ZNF536: variants seen among roughly 807,000 people sequenced by gnomAD.
ZNF536 encodes zinc finger protein 536.
In ZNF536, 13 loss-of-function variants were observed where a neutral mutation model predicts 84.5. The observed-to-expected ratio is 0.15, with a 90% CI of 0.10 to 0.24. The LOEUF (loss-of-function observed/expected upper bound fraction) is 0.24, where lower values mean the gene tolerates loss of function less well. ZNF536 is among the 10% of genes least tolerant of loss of function. The pLI is 1.00. For missense variants in ZNF536, 1,536 were observed against 1,747.5 expected (o/e 0.88, Z 2.16); for synonymous variants, 811 against 742.5 (o/e 1.09, Z -1.50).
At chr19:30,232,906 A>T (rs555524566) in intron 1 of ZNF536, among the ~76,000 whole-genome samples, 1 of 152,212 alleles carries the variant, frequency 6.6e-6, no homozygotes, top group African/African-American at 2.4e-5. Flanking sequence ...AGACATTTCT[A>T]TATCTCCCTT....
At chr19:30,243,649 G>A (rs764490453) in intron 1 of ZNF536, among the ~76,000 whole-genome samples, 1 of 152,132 alleles carries the variant, frequency 6.6e-6, no homozygotes, top group Non-Finnish European at 1.5e-5. Context: ...TCCAACAATA[G>A]GTAGGATAAA....
chr19:30,637,151 G>A (rs563514974), intron 1 of ZNF536, among the ~76,000 whole-genome samples: 9 of 152,250 alleles, frequency 5.9e-5, no homozygotes, highest in Admixed American at 2.6e-4. Context: ...TATGCAGAGG[G>A]TCCTTCCATA....
At chr19:30,609,898 CCA>C (rs1453004751) in intron 1 of ZNF536, among the ~76,000 whole-genome samples, 1 of 22,690 alleles carries the variant, frequency 4.4e-5, no homozygotes, top group East Asian at 1.9e-3. Context: ...ACCCATTTAT[CCA>C]TCCATCCATC....
At chr19:30,254,545 C>G in intron 1 of ZNF536, among the ~76,000 whole-genome samples, 1 of 135,752 alleles carries the variant, frequency 7.4e-6, no homozygotes, top group Non-Finnish European at 1.6e-5. Flanking sequence ...TTTTTAAAGT[C>G]TCTTCCAGAG....
At chr19:30,401,303 G>A (rs901165724) in intron 1 of ZNF536, among the ~76,000 whole-genome samples, 1 of 151,986 alleles carries the variant, frequency 6.6e-6, no homozygotes, top group Non-Finnish European at 1.5e-5. Context: ...TGGAATTCCT[G>A]GGCTCCAGCT....
intron 2 of ZNF536, among the ~76,000 whole-genome samples, chr19:30,324,348 T>G (rs1600223280): frequency 6.6e-6 from 1 of 152,200 alleles, no homozygotes; most frequent in Non-Finnish European, 1.5e-5. Flanking sequence ...ATCTGCATGG[T>G]GCAAAGTTCC....
chr19:30,453,711 A>G (rs1488980508), intron 2 of ZNF536, among the ~76,000 whole-genome samples: 1 of 152,228 alleles, frequency 6.6e-6, no homozygotes, highest in African/African-American at 2.4e-5. Flanking sequence ...GCGTGTCTGA[A>G]CAAACACCAT....
At chr19:30,350,522 G>A (rs899044538) in intron 2 of ZNF536, among the ~76,000 whole-genome samples, 1 of 152,286 alleles carries the variant, frequency 6.6e-6, no homozygotes, top group Admixed American at 6.5e-5. Context: ...GAAACTGGTG[G>A]GGAATGGGGT....
intron 1 of ZNF536, among the ~76,000 whole-genome samples, chr19:30,695,580 G>A (rs899429374): frequency 2.0e-5 from 3 of 152,108 alleles, no homozygotes; most frequent in Non-Finnish European, 2.9e-5. Context: ...TGGTAGGAAC[G>A]ACAGTGTATA....
At chr19:30,471,298 G>A (rs1274240215) in intron 2 of ZNF536, among the ~76,000 whole-genome samples, 2 of 152,140 alleles carry the variant, frequency 1.3e-5, no homozygotes, top group African/African-American at 2.4e-5. Flanking sequence ...AGGTTTCTAC[G>A]CAGGAAAGCC....
At chr19:30,373,524 A>G (rs2048692439) in intron 1 of ZNF536, among the ~76,000 whole-genome samples, 3 of 152,182 alleles carry the variant, frequency 2.0e-5, no homozygotes, top group African/African-American at 7.2e-5. Flanking sequence ...TATCTTTTAG[A>G]ATGTGTCTTC....
intron 1 of ZNF536, among the ~76,000 whole-genome samples, chr19:30,572,762 G>A (rs1353661424): frequency 6.6e-6 from 1 of 152,114 alleles, no homozygotes; most frequent in Non-Finnish European, 1.5e-5. Flanking sequence ...GGAAGAGCTG[G>A]ACCTTCACAT....
chr19:30,301,639 C>T (rs1380090572), intron 2 of ZNF536, among the ~76,000 whole-genome samples: 1 of 152,124 alleles, frequency 6.6e-6, no homozygotes, highest in Non-Finnish European at 1.5e-5. Flanking sequence ...GGCTTTAATT[C>T]TACAAAGTTA....
chr19:30,550,278 T>C (rs1001357751), intron 4 of ZNF536, among the ~76,000 whole-genome samples: 7 of 152,252 alleles, frequency 4.6e-5, no homozygotes, highest in African/African-American at 1.7e-4. Flanking sequence ...TTAAAGCATA[T>C]GGGTACCCCA....
upstream of ZNF536, among the ~76,000 whole-genome samples, chr19:30,227,073 T>C (rs551391099): frequency 6.6e-6 from 1 of 151,868 alleles, no homozygotes; most frequent in East Asian, 1.9e-4. Flanking sequence ...CTGTTGCAGT[T>C]TTGCAAATAA....
chr19:30,226,022 G>A (rs1284894183), upstream of ZNF536, among the ~76,000 whole-genome samples: 3 of 151,948 alleles, frequency 2.0e-5, no homozygotes, highest in African/African-American at 7.3e-5. The surrounding 1 kb of genome is among the most constrained non-coding windows in gnomAD (Gnocchi z 4.6). Flanking sequence ...CTTCGGCGGC[G>A]AGCGGGACCT....
At chr19:30,449,809 A>G (rs2052514447) in intron 2 of ZNF536, among the ~76,000 whole-genome samples, 1 of 152,190 alleles carries the variant, frequency 6.6e-6, no homozygotes, top group Non-Finnish European at 1.5e-5. Flanking sequence ...TTGTTGTTAG[A>G]GCTGCATTCC....
intron 1 of ZNF536, among the ~76,000 whole-genome samples, chr19:30,609,755 TATCCATCC>T (rs2048023342): frequency 1.5e-5 from 2 of 137,184 alleles, no homozygotes; most frequent in African/African-American, 5.5e-5. Context: ...CCCATCCACC[TATCCATCC>T]ACCCATCTAC....
chr19:30,556,938 T>C, intron 4 of ZNF536: 1 of 564,090 alleles, frequency 1.8e-6, no homozygotes, highest in Non-Finnish European at 3.2e-6. Flanking sequence ...TATTACTTAG[T>C]GCTGATCAAC....
Sources: allele counts gnomAD v4.1 joint callset (sites outside exome capture counted in the v4.1 genomes callset), GRCh38; gene constraint gnomAD v4.1.1; non-coding constraint Gnocchi (gnomAD v3.1); transcripts MANE v1.5; gene names NCBI Gene and HGNC (gene_info 2026-07-23, HGNC 2026-07-21).